Variants in FBXO36 observed in about 807,000 individuals in gnomAD.
The protein encoded by FBXO36 is F-box protein 36, also known as F-box only protein 36.
Under a neutral mutation model 17.0 loss-of-function variants are expected in FBXO36, and 18 were observed. That is an observed-to-expected ratio of 1.06 (90% CI 0.73 to 1.57). The LOEUF (loss-of-function observed/expected upper bound fraction) is 1.57. FBXO36 is among the 40% of genes most tolerant of loss of function. The probability of loss-of-function intolerance (pLI) is 0.00; values close to 1 mark genes in which losing one functional copy is unlikely to be tolerated. For missense variants in FBXO36, 229 were observed against 221.9 expected, an observed-to-expected ratio of 1.03 and a Z score of -0.20; for synonymous variants, 83 against 85.3, an observed-to-expected ratio of 0.97 and a Z score of 0.15.
Position 230,003,236 on chromosome 2 carries a change from C to CT in FBXO36, c.378+6321dup, listed in dbSNP as rs963642086. ...AAAAAAAAAAAAAAAAAAAAAAGTT[C>CT]TTTTTTTTATGAAGTGGTGGCAATA... On this transcript the variant is annotated intron_variant, in intron 3 of 3. Coordinates refer to ENST00000283946, the MANE Select transcript of FBXO36 (RefSeq NM_174899.5). 1.7e-4 allele frequency among the ~76,000 whole-genome samples: 24 copies of CT among 139,596 alleles called. No individual in the cohort carries two copies. In the South Asian group the frequency reaches 2.3e-3, roughly 14 times the overall value. 91.6% of individuals were successfully genotyped at this position (139,596 alleles called of 152,430 possible).
intron 1 of FBXO36, among the ~76,000 whole-genome samples, chr2:229,942,020 GAA>G (rs61356327): frequency 6.9e-6 from 1 of 144,940 alleles, no homozygotes; most frequent in African/African-American, 2.5e-5. Flanking sequence ...AGTCTAAAAA[GAA>G]AAAAAAAAAA....
At chr2:229,986,491 A>G (rs2077268859) in intron 2 of FBXO36, among the ~76,000 whole-genome samples, 1 of 152,048 alleles carries the variant, frequency 6.6e-6, no homozygotes, top group South Asian at 2.1e-4. Flanking sequence ...GTGAGACCCT[A>G]TCTTAAAATA....
chr2:229,958,032 G>C (rs997689675), intron 1 of FBXO36, among the ~76,000 whole-genome samples: 6 of 152,114 alleles, frequency 3.9e-5, no homozygotes, highest in African/African-American at 1.4e-4. Flanking sequence ...TGGAACCACA[G>C]ACACTTGGGG....
chr2:229,971,091 C>T (rs1456706724), intron 1 of FBXO36, among the ~76,000 whole-genome samples: 2 of 152,138 alleles, frequency 1.3e-5, no homozygotes, highest in African/African-American at 2.4e-5. Flanking sequence ...AGGCGGCTCA[C>T]GCCTCTAATC....
intron 1 of FBXO36, among the ~76,000 whole-genome samples, chr2:229,959,501 A>C (rs879535223): frequency 6.6e-6 from 1 of 152,196 alleles, no homozygotes; most frequent in Admixed American, 6.5e-5. Context: ...GACAGCAATC[A>C]TGAATTCTCC....
intron 2 of FBXO36, among the ~76,000 whole-genome samples, chr2:229,984,390 TA>T (rs1216638778): frequency 2.0e-5 from 3 of 151,540 alleles, no homozygotes; most frequent in African/African-American, 7.3e-5. Context: ...CTTTAGGTTT[TA>T]TTTTTTTTTT....
chr2:229,942,043 C>T (rs933339059), intron 1 of FBXO36, among the ~76,000 whole-genome samples: 2 of 152,018 alleles, frequency 1.3e-5, no homozygotes, highest in Admixed American at 6.6e-5. Context: ...TTTAGATGGG[C>T]TTAATGCTTC....
At chr2:229,988,163 T>C (rs2077278647) in intron 2 of FBXO36, among the ~76,000 whole-genome samples, 1 of 152,232 alleles carries the variant, frequency 6.6e-6, no homozygotes, top group African/African-American at 2.4e-5. Flanking sequence ...TTGTTCTTAA[T>C]ATTTAGCTAA....
intron 2 of FBXO36, among the ~76,000 whole-genome samples, chr2:229,984,221 G>T (rs1411504236): frequency 2.6e-5 from 4 of 151,442 alleles, no homozygotes; most frequent in Non-Finnish European, 5.9e-5. Flanking sequence ...GGTGGCACGT[G>T]CCTGTAGTCC....
chr2:229,937,719 C>T (rs2076971582), intron 1 of FBXO36: 1 of 152,108 alleles, frequency 6.6e-6, no homozygotes, highest in Non-Finnish European at 1.5e-5. Flanking sequence ...TCCTGACCTT[C>T]TTACCAAGGC....
chr2:229,941,727 A>C (rs1490575213), intron 1 of FBXO36, among the ~76,000 whole-genome samples: 1 of 151,930 alleles, frequency 6.6e-6, no homozygotes, highest in Non-Finnish European at 1.5e-5. Flanking sequence ...AGAGAACCCA[A>C]ATTTTCAGGC....
At chr2:230,001,781 AT>A (rs1191945019) in intron 3 of FBXO36, among the ~76,000 whole-genome samples, 1 of 151,754 alleles carries the variant, frequency 6.6e-6, no homozygotes, top group Non-Finnish European at 1.5e-5. Context: ...ACTCCTGGGA[AT>A]TTCACTTATT....
intron 2 of FBXO36, among the ~76,000 whole-genome samples, chr2:229,981,418 G>T (rs1249879476): frequency 2.0e-5 from 3 of 151,548 alleles, no homozygotes; most frequent in Non-Finnish European, 4.4e-5. Flanking sequence ...TCACTCTGCT[G>T]CCTAGGCTGG....
At chr2:230,010,659 T>A (rs1406932129) in intron 3 of FBXO36, 37 bp from the exon 4 acceptor site, 1 of 1,565,562 alleles carries the variant, frequency 6.4e-7, no homozygotes, top group Non-Finnish European at 8.7e-7. Context: ...TTAACACATG[T>A]GTGCTGTAAC....
At chr2:229,961,728 G>A (rs1196134524) in intron 1 of FBXO36, among the ~76,000 whole-genome samples, 1 of 152,028 alleles carries the variant, frequency 6.6e-6, no homozygotes, top group Admixed American at 6.6e-5. Context: ...CCCCGAAAAA[G>A]GTGAATTTTG....
intron 1 of FBXO36, among the ~76,000 whole-genome samples, chr2:229,971,696 T>G (rs1249760060): frequency 6.6e-6 from 1 of 152,070 alleles, no homozygotes; most frequent in African/African-American, 2.4e-5. Flanking sequence ...ATTTAACTTT[T>G]TTTTTTTCTT....
intron 1 of FBXO36, among the ~76,000 whole-genome samples, chr2:229,925,147 A>G (rs950207690): frequency 1.7e-4 from 26 of 148,986 alleles, no homozygotes; most frequent in Non-Finnish European, 3.3e-4. Context: ...CAAGTGAAAA[A>G]CTCTCCTTTA....
At chr2:230,010,308 A>G (rs535300962) in intron 3 of FBXO36, among the ~76,000 whole-genome samples, 49 of 152,282 alleles carry the variant, frequency 3.2e-4, no homozygotes, top group African/African-American at 1.1e-3. Flanking sequence ...ATAAATAGAG[A>G]TGAATTGGAA....
At chr2:229,984,422 G>C (rs1488881702) in intron 2 of FBXO36, among the ~76,000 whole-genome samples, 2 of 146,388 alleles carry the variant, frequency 1.4e-5, no homozygotes, top group African/African-American at 5.1e-5. Flanking sequence ...TCGGAGTCTC[G>C]CTCTGTCGCC....
Sources: gnomAD v4.1 joint callset for allele counts (sites outside exome capture counted in the v4.1 genomes callset) on GRCh38, gnomAD v4.1.1 for gene constraint, MANE v1.5 for transcripts, NCBI Gene and HGNC (gene_info 2026-07-23, HGNC 2026-07-21) for gene names.